Variants in USH2A observed in about 807,000 individuals in gnomAD.
The protein encoded by USH2A is Usher syndrome 2A (autosomal recessive, mild).
In USH2A, 443 loss-of-function variants were observed where a neutral mutation model predicts 538.9. The observed-to-expected ratio is 0.82, with a 90% CI of 0.76 to 0.89. The LOEUF (loss-of-function observed/expected upper bound fraction) is 0.89. USH2A is among the 40% of genes least tolerant of loss of function. The pLI, the probability that USH2A is intolerant of heterozygous loss-of-function variation, is 0.00. For synonymous variants in USH2A, 2,413 were observed against 2,273.5 expected (o/e 1.06, Z -1.75); for missense variants, 6,633 against 6,324.8 (o/e 1.05, Z -1.65).
chr1:215,803,801 C>A lies in USH2A; in HGVS notation c.9740-4676G>T, dbSNP rs1399671088. Among the ~76,000 whole-genome samples, 5 of 151,882 alleles carry A rather than the reference C, an allele frequency of 3.3e-5. No individual in the cohort carries two copies. In the South Asian group the frequency reaches 6.2e-4, roughly 19 times the overall value. On this transcript the variant is annotated intron_variant, in intron 49 of 71. Coordinates refer to ENST00000307340, the MANE Select transcript of USH2A (RefSeq NM_206933.4). Reference sequence around the variant, plus strand: ...AAAACTACTTTAAAATTCATATGGACCCAAAAAAGAGCCCACACTGCCAAG... The same window carrying A: ...AAAACTACTTTAAAATTCATATGGAACCAAAAAAGAGCCCACACTGCCAAG...
intron 67 of USH2A, among the ~76,000 whole-genome samples, chr1:215,641,431 A>C (rs1235916315): frequency 6.6e-6 from 1 of 152,222 alleles, no homozygotes; most frequent in Non-Finnish European, 1.5e-5. Context: ...TATCACATAT[A>C]GAAGCAACTT....
intron 14 of USH2A, among the ~76,000 whole-genome samples, chr1:216,230,896 TCTCACA>T: frequency 6.7e-6 from 1 of 149,276 alleles, no homozygotes; most frequent in Non-Finnish European, 1.5e-5. Flanking sequence ...TCTCTCTCTC[TCTCACA>T]CACACACACA....
intron 37 of USH2A, among the ~76,000 whole-genome samples, chr1:215,960,939 G>A (rs1008624159): frequency 2.0e-4 from 30 of 151,970 alleles, no homozygotes; most frequent in African/African-American, 6.3e-4. Flanking sequence ...AAGTTTGTCT[G>A]CCTTAGCTTT....
chr1:215,842,793 C>T (rs1663719294), intron 46 of USH2A, among the ~76,000 whole-genome samples: 1 of 151,988 alleles, frequency 6.6e-6, no homozygotes, highest in Non-Finnish European at 1.5e-5. Flanking sequence ...GGGAACAACA[C>T]ACACTGGGGC....
At chr1:216,142,752 TTTG>T (rs1281365802) in intron 21 of USH2A, among the ~76,000 whole-genome samples, 3 of 152,194 alleles carry the variant, frequency 2.0e-5, no homozygotes, top group African/African-American at 7.2e-5. Flanking sequence ...TCAGATTGAA[TTTG>T]TTTTCATCTC....
chr1:216,385,958 T>C (rs1182157148), intron 3 of USH2A, among the ~76,000 whole-genome samples: 1 of 152,212 alleles, frequency 6.6e-6, no homozygotes, highest in Non-Finnish European at 1.5e-5. Context: ...AGCACTATCA[T>C]AATGAGAAGA....
intron 16 of USH2A, among the ~76,000 whole-genome samples, chr1:216,204,822 T>C (rs1199744906): frequency 6.6e-6 from 1 of 152,192 alleles, no homozygotes; most frequent in Non-Finnish European, 1.5e-5. Flanking sequence ...TTCTTACTGT[T>C]CAAATGCCAT....
At chr1:216,175,034 T>G in intron 21 of USH2A, 1 of 1,389,264 alleles carries the variant, frequency 7.2e-7, no homozygotes, top group South Asian at 1.5e-5. Context: ...TTCTTCATCT[T>G]CATCTTTTAT....
chr1:216,239,560 C>T (rs1368393197), intron 13 of USH2A, among the ~76,000 whole-genome samples: 2 of 152,120 alleles, frequency 1.3e-5, no homozygotes, highest in African/African-American at 4.8e-5. Flanking sequence ...TCAGAGAGTT[C>T]ATGGACATTA....
intron 61 of USH2A, among the ~76,000 whole-genome samples, chr1:215,706,463 G>C (rs1413915161): frequency 6.6e-6 from 1 of 152,056 alleles, no homozygotes; most frequent in Non-Finnish European, 1.5e-5. Context: ...AGGAAAAGTA[G>C]ACATTATGAG....
Position 216,084,783 on chromosome 1 carries a change from C to T in USH2A, c.5082G>A (p.Gln1694=), listed in dbSNP as rs753099089. 1 of 1,613,590 alleles carries T rather than the reference C, an allele frequency of 6.2e-7. No individual in the cohort carries two copies. Among genetic ancestry groups the T allele is most frequent in the East Asian group, 2.2e-5 (1 of 44,858 alleles). Residue 1694 remains glutamine (Q), a synonymous_variant, in exon 25 of 72, where the codon CAG becomes CAA. Transcript: ENST00000307340. ...ACACGTTGATTTGTTCTTCAGAACT[C>T]TGCCAATCCAGAGGTTCCCAAATAG... The part of the protein sequence containing the change: ...PSAIWEPLDW[Q]SSEEQINVYN...
chr1:216,017,922 A>G (rs1668756168), intron 32 of USH2A, among the ~76,000 whole-genome samples: 1 of 152,156 alleles, frequency 6.6e-6, no homozygotes, highest in Non-Finnish European at 1.5e-5. Context: ...TCTATCCTCA[A>G]TGGCCAAGAT....
Position 216,289,335 on chromosome 1 carries a change from T to G in USH2A, c.1916A>C (p.Lys639Thr). ...GADPSAIDVC[K>T]PCDCDTVGTR... ...GCCAACTGTATCACAGTCACAGGGT[T>G]TGCAAACATCTATGGCCGAAGGATC... The change falls in exon 11 of 72, where the codon AAA becomes ACA. Residue 639 changes from lysine (K) to threonine (T), a missense_variant. Physicochemically the swap from Lys to Thr is moderately conservative, Grantham distance 78 (BLOSUM62 -1). Transcript: ENST00000307340. 6.2e-7 allele frequency: 1 copy of G among 1,614,016 alleles called. No homozygotes were observed. Among genetic ancestry groups the G allele is most frequent in the South Asian group, 1.1e-5 (1 of 91,074 alleles).
intron 50 of USH2A, among the ~76,000 whole-genome samples, chr1:215,797,940 A>G (rs1662191130): frequency 6.6e-6 from 1 of 152,176 alleles, no homozygotes; most frequent in African/African-American, 2.4e-5. Context: ...GAAAACCTGG[A>G]AAGGATTCAC....
chr1:215,634,743 G>A, intron 69 of USH2A, 40 bp from the exon 70 acceptor site: 1 of 1,614,112 alleles, frequency 6.2e-7, no homozygotes, highest in South Asian at 1.1e-5. Flanking sequence ...TGTTATTTCA[G>A]AAAGCATTTT....
chr1:215,875,533 AT>A (rs1664741046), intron 43 of USH2A, among the ~76,000 whole-genome samples: 1 of 152,114 alleles, frequency 6.6e-6, no homozygotes, highest in Admixed American at 6.6e-5. Context: ...GAAATCTTAG[AT>A]TTGAACTTCT....
At chr1:216,365,649 C>T (rs1414413627) in intron 3 of USH2A, among the ~76,000 whole-genome samples, 1 of 151,794 alleles carries the variant, frequency 6.6e-6, no homozygotes, top group Non-Finnish European at 1.5e-5. Flanking sequence ...AAGCAAGTAG[C>T]CTAATAACTG....
At chr1:216,389,387 G>A (rs2039061245) in intron 3 of USH2A, among the ~76,000 whole-genome samples, 1 of 152,070 alleles carries the variant, frequency 6.6e-6, no homozygotes, top group Non-Finnish European at 1.5e-5. Flanking sequence ...CTTCTATGAT[G>A]TTGTTGGTTC....
At chr1:215,953,490 C>T (rs1558179729) in intron 37 of USH2A, among the ~76,000 whole-genome samples, 1 of 152,124 alleles carries the variant, frequency 6.6e-6, no homozygotes, top group Non-Finnish European at 1.5e-5. Context: ...ATAAATGGTG[C>T]TGGGAAAACT....
Sources: allele counts gnomAD v4.1 joint callset (sites outside exome capture counted in the v4.1 genomes callset), GRCh38; gene constraint gnomAD v4.1.1; transcripts MANE v1.5; gene names NCBI Gene and HGNC (gene_info 2026-07-23, HGNC 2026-07-21).